NLRP5: variants seen among roughly 807,000 people sequenced by gnomAD.
The protein encoded by NLRP5 is NLR family pyrin domain containing 5, also known as NACHT, LRR and PYD domains-containing protein 5.
In NLRP5, 93 loss-of-function variants were observed where a neutral mutation model predicts 113.1. That is an observed-to-expected ratio of 0.82 (90% CI 0.70 to 0.98). The LOEUF (loss-of-function observed/expected upper bound fraction) is 0.98, where lower values mean the gene tolerates loss of function less well. NLRP5 is among the 50% of genes least tolerant of loss of function. The pLI, the probability that NLRP5 is intolerant of heterozygous loss-of-function variation, is 0.00. For missense variants in NLRP5, 1,808 were observed against 1,514.3 expected (o/e 1.19, Z -3.22); for synonymous variants, 751 against 600.7 (o/e 1.25, Z -3.66).
At chr19:56,006,826 G>A (rs911360517) in intron 2 of NLRP5, among the ~76,000 whole-genome samples, 3 of 151,778 alleles carry the variant, frequency 2.0e-5, no homozygotes, top group Non-Finnish European at 2.9e-5. Context: ...CGCAAGCTCC[G>A]CCTTCCGGGT....
chr19:56,032,577 C>T (rs781362177), intron 7 of NLRP5, 34 bp from the exon 8 acceptor site: 2 of 1,581,966 alleles, frequency 1.3e-6, no homozygotes, highest in African/African-American at 1.3e-5. Flanking sequence ...AAACTCCATC[C>T]CATGAGCCCA....
intron 2 of NLRP5, among the ~76,000 whole-genome samples, chr19:56,004,898 G>T (rs1239477081): frequency 6.6e-6 from 1 of 151,654 alleles, no homozygotes; most frequent in Non-Finnish European, 1.5e-5. Context: ...ATCGAGACCA[G>T]CCTGGCCAAC....
chr19:56,046,356 G>A (rs1983721494), intron 11 of NLRP5, among the ~76,000 whole-genome samples: 1 of 149,898 alleles, frequency 6.7e-6, no homozygotes, highest in Non-Finnish European at 1.5e-5. Flanking sequence ...TTTTGTTAAG[G>A]ATTTTAGCAT....
chr19:56,042,508 C>G (rs170061), intron 11 of NLRP5, among the ~76,000 whole-genome samples: 1 of 151,444 alleles, frequency 6.6e-6, no homozygotes, highest in Non-Finnish European at 1.5e-5. Context: ...ACCACCACAC[C>G]TGGCTACTTT....
Position 56,005,526 on chromosome 19 carries a change from ACACACG to A in NLRP5, c.442+1437_442+1442del, listed in dbSNP as rs755803869. ...CCTGTACACATATATATTTATACAC[ACACACG>A]CACACACGCAGGTGGCATGCCTGTA... On this transcript the variant is annotated intron_variant, in intron 2 of 14. Transcript: ENST00000390649. Among the ~76,000 whole-genome samples, 74 of 108,030 alleles carry A rather than the reference ACACACG, an allele frequency of 6.8e-4. 1 individual carries two copies. The highest frequency in any genetic ancestry group is 4.3e-3 in the Middle Eastern group (1 of 234). 70.9% of individuals were successfully genotyped at this position (108,030 alleles called of 152,430 possible). A position where few individuals can be genotyped will look rare whatever the true frequency, so the allele number is the denominator to read the frequency against.
At chr19:56,001,306 C>T (rs1981637837) in intron 1 of NLRP5, among the ~76,000 whole-genome samples, 1 of 138,240 alleles carries the variant, frequency 7.2e-6, no homozygotes, top group Non-Finnish European at 1.5e-5. Context: ...GCCTGGGCAA[C>T]AGCAAGACTC....
At chr19:56,022,405 AAGG>A (rs1160107320) in intron 6 of NLRP5, among the ~76,000 whole-genome samples, 1 of 121,250 alleles carries the variant, frequency 8.2e-6, no homozygotes, top group African/African-American at 2.6e-5. Context: ...TTGTTATAGA[AAGG>A]AGGGGGCAGG....
At chr19:56,035,036 T>C (rs1287571364) in intron 9 of NLRP5, among the ~76,000 whole-genome samples, 1 of 152,210 alleles carries the variant, frequency 6.6e-6, no homozygotes, top group East Asian at 1.9e-4. Context: ...CCTCCCTGGT[T>C]CAGGCAATTC....
intron 2 of NLRP5, among the ~76,000 whole-genome samples, chr19:56,007,096 C>T (rs2123274067): frequency 6.6e-6 from 1 of 151,584 alleles, no homozygotes; most frequent in Non-Finnish European, 1.5e-5. Flanking sequence ...GGCACCGTGG[C>T]TCACGCCTGT....
At chr19:56,046,498 C>T (rs1457916458) in intron 11 of NLRP5, among the ~76,000 whole-genome samples, 2 of 150,974 alleles carry the variant, frequency 1.3e-5, no homozygotes, top group African/African-American at 4.9e-5. Context: ...AGGGTTCCTT[C>T]TTTCTCTATC....
the NLRP5 span, among the ~76,000 whole-genome samples, chr19:55,990,739 G>A: frequency 2.6e-5 from 4 of 152,080 alleles, no homozygotes; most frequent in Admixed American, 2.6e-4. Context: ...GCAGGAGAAT[G>A]GCAGGAACCC....
In NLRP5 at chr19:56,034,625, T is replaced by C. The variant is rs548624593; in HGVS notation, c.2615+916T>C. Among the ~76,000 whole-genome samples the C allele has an allele frequency of 9.0e-4, 137 of 152,352 alleles. 1 individual carries two copies. Among genetic ancestry groups the C allele is most frequent in the African/African-American group, 3.0e-3 (125 of 41,592 alleles). ...GCCACGTGTGTCTTCCATCTCTGTA[T>C]AACCTTGTCATTTTGACAATGCTCT... is the stretch of plus-strand genomic sequence containing the variant. On this transcript the variant is annotated intron_variant, in intron 9 of 14. Coordinates refer to ENST00000390649, the MANE Select transcript of NLRP5 (RefSeq NM_153447.4).
At chr19:56,036,628 T>C (rs1445955193) in intron 9 of NLRP5, among the ~76,000 whole-genome samples, 2 of 152,184 alleles carry the variant, frequency 1.3e-5, no homozygotes, top group East Asian at 1.9e-4. Flanking sequence ...GGCAGGAGCA[T>C]GTATAGGCTT....
At chr19:56,038,584 G>T (rs1447974881) in intron 10 of NLRP5, among the ~76,000 whole-genome samples, 1 of 152,118 alleles carries the variant, frequency 6.6e-6, no homozygotes, top group Non-Finnish European at 1.5e-5. Flanking sequence ...TGGCGGTCAG[G>T]CTCCCCTCTG....
chr19:55,991,901 G>A, the NLRP5 span, among the ~76,000 whole-genome samples: 2 of 151,632 alleles, frequency 1.3e-5, no homozygotes, highest in Admixed American at 1.3e-4. Context: ...GGGGGTACAT[G>A]TGAAGGTTTG....
rs1021735391 is a variant in NLRP5 at position 56,037,882 on chromosome 19, G to T, written c.2616-143G>T. On this transcript the variant is annotated intron_variant, in intron 9 of 14. Transcript: ENST00000390649. ...AGGGGAGGTTGCACTGGAAGGAACA[G>T]CAACTTCTCAGGCCCGGAGGCAGGA... The T allele has an allele frequency of 2.6e-5, 20 of 760,060 alleles. No homozygotes were observed. In the African/African-American group the frequency reaches 3.4e-4, roughly 13 times the overall value. 47.1% of individuals were successfully genotyped at this position (760,060 alleles called of 1,614,324 possible). A position where few individuals can be genotyped will look rare whatever the true frequency, so the allele number is the denominator to read the frequency against.
rs568473571 is a variant in NLRP5, at chr19:56,056,817, A to C, written c.3300-1423A>C. ...CGCCATAGGTGGCTAAAACAACTTG[A>C]GCTGCATCTCATTAACTTTTTATTC... On this transcript the variant is annotated intron_variant, in intron 13 of 14. Coordinates refer to ENST00000390649, the MANE Select transcript of NLRP5 (RefSeq NM_153447.4). Among the ~76,000 whole-genome samples the C allele has an allele frequency of 5.3e-5, 8 of 152,180 alleles. No homozygotes were observed. In the South Asian group the frequency reaches 6.2e-4, roughly 12 times the overall value.
rs1236208158 is a variant in NLRP5 at position 55,999,780 on chromosome 19, C to G, written c.55C>G (p.Pro19Ala). ...AGCTGCTGCTCTGCTCTCAGCATCA[C>G]CACGTGCGTCGACAGCCTCTTAGAG... Residue 19 changes from proline (P) to alanine (A), a missense_variant, in exon 1 of 15, where the codon CCA (proline) becomes GCA (alanine). By Grantham distance (27) the Pro-to-Ala change is conservative. Coordinates refer to ENST00000390649, the MANE Select transcript of NLRP5 (RefSeq NM_153447.4). 4.3e-6 allele frequency: 7 copies of G among 1,613,128 alleles called. No individual in the cohort carries two copies. The South Asian group carries it at 7.7e-5, about 18-fold the overall frequency.
rs193250415 is a variant in NLRP5, at chr19:56,005,157, A to G, written c.442+1062A>G. Among the ~76,000 whole-genome samples the G allele has an allele frequency of 8.9e-4, 129 of 145,338 alleles. 1 individual carries two copies. The highest frequency in any genetic ancestry group is 3.8e-4 in the Non-Finnish European group (25 of 66,338). On this transcript the variant is annotated intron_variant, in intron 2 of 14. Coordinates refer to ENST00000390649, the MANE Select transcript of NLRP5 (RefSeq NM_153447.4). The stretch of plus-strand genomic sequence containing the variant: ...TACACACACACATATATACACACAC[A>G]TATACACATATATTTTTATATATAC...
Sources: gnomAD v4.1 joint callset for allele counts (sites outside exome capture counted in the v4.1 genomes callset) on GRCh38, gnomAD v4.1.1 for gene constraint, MANE v1.5 for transcripts, NCBI Gene and HGNC (gene_info 2026-07-23, HGNC 2026-07-21) for gene names.